The following MICU1 variants were observed in gnomAD, a reference collection of about 807,000 sequenced individuals.
The protein encoded by MICU1 is calcium uptake protein 1, mitochondrial.
Under a neutral mutation model 56.8 loss-of-function variants are expected in MICU1, and 45 were observed. The observed-to-expected ratio is 0.79, with a 90% CI of 0.62 to 1.02. The LOEUF (loss-of-function observed/expected upper bound fraction) is 1.02, where lower values mean the gene tolerates loss of function less well. Among genes scored for constraint, MICU1 ranks in the 50% least tolerant of loss-of-function variants. The probability of loss-of-function intolerance (pLI) is 0.00; values close to 1 mark genes in which losing one functional copy is unlikely to be tolerated. For synonymous variants in MICU1, 186 were observed against 195.1 expected (o/e 0.95, Z 0.39); for missense variants, 504 against 587.1 (o/e 0.86, Z 1.46).
intron 3 of MICU1, among the ~76,000 whole-genome samples, chr10:72,559,873 G>A (rs191275614): frequency 6.6e-6 from 1 of 152,240 alleles, no homozygotes; most frequent in African/African-American, 2.4e-5. Flanking sequence ...TCAGATCTGC[G>A]GCAACATTAG....
intron 3 of MICU1, among the ~76,000 whole-genome samples, chr10:72,560,022 G>C (rs1186788951): frequency 6.6e-6 from 1 of 152,184 alleles, no homozygotes. Context: ...CTGGTCTGCA[G>C]GAAAACTGTC....
chr10:72,392,855 T>C (rs573041831), intron 10 of MICU1, among the ~76,000 whole-genome samples: 4 of 152,258 alleles, frequency 2.6e-5, no homozygotes, highest in African/African-American at 4.8e-5. Flanking sequence ...AGCAAAGGCC[T>C]GGGCAGAGCC....
At chr10:72,623,300 CAAAAAAAAA>C (rs1164753291) in intron 1 of MICU1, among the ~76,000 whole-genome samples, 1 of 55,948 alleles carries the variant, frequency 1.8e-5, no homozygotes, top group East Asian at 8.6e-4. Context: ...GACTCCGTCT[CAAAAAAAAA>C]AAAAAAAAAA....
chr10:72,441,511 A>G (rs1864926379), intron 8 of MICU1, among the ~76,000 whole-genome samples: 1 of 151,098 alleles, frequency 6.6e-6, no homozygotes, highest in African/African-American at 2.4e-5. Context: ...CTGTGTATCA[A>G]ACCTGCATTG....
chr10:72,424,804 G>A (rs2132141449), intron 8 of MICU1, among the ~76,000 whole-genome samples: 1 of 152,272 alleles, frequency 6.6e-6, no homozygotes, highest in East Asian at 1.9e-4. Context: ...TTCGCTTCCT[G>A]TACAATAGCA....
At chr10:72,426,873 G>A (rs1011488468) in intron 8 of MICU1, among the ~76,000 whole-genome samples, 3 of 152,170 alleles carry the variant, frequency 2.0e-5, no homozygotes, top group Non-Finnish European at 4.4e-5. Flanking sequence ...CCAAGGTTGT[G>A]GGAGGATCTT....
intron 8 of MICU1, among the ~76,000 whole-genome samples, chr10:72,453,487 T>C (rs1196015305): frequency 1.0e-5 from 1 of 98,234 alleles, no homozygotes; most frequent in East Asian, 2.1e-4. Context: ...TTCCACAGCA[T>C]TGGAAAAAAT....
intron 4 of MICU1, among the ~76,000 whole-genome samples, chr10:72,536,593 C>T (rs1839642650): frequency 6.6e-6 from 1 of 152,024 alleles, no homozygotes; most frequent in South Asian, 2.1e-4. Flanking sequence ...CCTCATGATC[C>T]GCCCGCCTCA....
At chr10:72,526,279 T>C (rs973094572) in intron 5 of MICU1, among the ~76,000 whole-genome samples, 1 of 152,184 alleles carries the variant, frequency 6.6e-6, no homozygotes, top group Non-Finnish European at 1.5e-5. Flanking sequence ...TGTTCCTCAA[T>C]TCACTTTTGC....
At chr10:72,557,935 T>C (rs1342567485) in intron 3 of MICU1, among the ~76,000 whole-genome samples, 1 of 152,200 alleles carries the variant, frequency 6.6e-6, no homozygotes, top group East Asian at 1.9e-4. Context: ...TCTTTTAATA[T>C]TCGTGTTTTC....
chr10:72,498,189 C>A (rs567634292), intron 6 of MICU1, among the ~76,000 whole-genome samples: 1 of 152,208 alleles, frequency 6.6e-6, no homozygotes, highest in Non-Finnish European at 1.5e-5. Context: ...AATACTTTTA[C>A]ATGTTAGGTC....
Position 72,622,380 on chromosome 10 carries a change from A to G in MICU1, c.-2+3630T>C, listed in dbSNP as rs533071044. Among the ~76,000 whole-genome samples the G allele has an allele frequency of 3.3e-5, 5 of 152,260 alleles. No individual in the cohort carries two copies. The South Asian group carries it at 1.0e-3, about 32-fold the overall frequency. ...ACCCACCCTTAACTCAAATGGTTTC[A>G]AACTATATTCCTCTCCTTCCCACTC... On this transcript the variant is annotated intron_variant, in intron 1 of 11. Coordinates refer to ENST00000361114, the MANE Select transcript of MICU1 (RefSeq NM_001195518.2).
intron 1 of MICU1, among the ~76,000 whole-genome samples, chr10:72,603,697 G>A (rs184490666): frequency 3.9e-5 from 6 of 151,996 alleles, no homozygotes; most frequent in Non-Finnish European, 7.4e-5. Context: ...CCAACTACTC[G>A]GGAGGCTGAG....
chr10:72,403,240 A>C lies in MICU1; in HGVS notation c.1180+4689T>G, dbSNP rs146940716. ...CCGGGTGTGGTGGTGGGAGCCTGTA[A>C]TCCCAGCTTTTGGGAGGCTGAGGCA... On this transcript the variant is annotated intron_variant, in intron 10 of 11. Transcript: ENST00000361114. Among the ~76,000 whole-genome samples, 959 of 151,960 alleles carry C rather than the reference A, an allele frequency of 6.3e-3. 8 individuals are homozygous for C. The highest frequency in any genetic ancestry group is 0.034 in the East Asian group (175 of 5,156).
chr10:72,620,497 G>C (rs1842079095), intron 1 of MICU1, among the ~76,000 whole-genome samples: 1 of 152,086 alleles, frequency 6.6e-6, no homozygotes, highest in South Asian at 2.1e-4. Context: ...AGCACTTCAA[G>C]TTTTAAATAA....
In MICU1 at chr10:72,551,317, G is replaced by T. The variant is rs538329212; in HGVS notation, c.355C>A (p.Arg119=). 1.9e-6 allele frequency: 3 copies of T among 1,611,204 alleles called. No homozygotes were observed. In the East Asian group the frequency reaches 6.7e-5, roughly 36 times the overall value. Residue 119 remains arginine, a synonymous_variant, in exon 4 of 12, where the codon CGA becomes AGA. Coordinates refer to ENST00000361114, the MANE Select transcript of MICU1 (RefSeq NM_001195518.2). ...RKVMEYENRI[R]AYSTPDKIFR... The stretch of plus-strand genomic sequence containing the variant: ...ATTTTGTCTGGCGTGGAGTAGGCTC[G>T]AATCCTATTCTCATATTCCATCACC...
At chr10:72,401,313 T>C (rs1436923808) in intron 10 of MICU1, among the ~76,000 whole-genome samples, 9 of 152,222 alleles carry the variant, frequency 5.9e-5, no homozygotes, top group East Asian at 1.9e-4. Context: ...TGTTTTGACA[T>C]ATGTATATAC....
At chr10:72,425,759 A>C (rs1477752990) in intron 8 of MICU1, among the ~76,000 whole-genome samples, 1 of 152,146 alleles carries the variant, frequency 6.6e-6, no homozygotes, top group Non-Finnish European at 1.5e-5. Context: ...GGAGGGAGCC[A>C]TGGAGAGCTG....
chr10:72,625,803 G>A (rs1239848752), intron 1 of MICU1, among the ~76,000 whole-genome samples: 1 of 152,180 alleles, frequency 6.6e-6, no homozygotes, highest in East Asian at 1.9e-4. Flanking sequence ...AGGACGGGAG[G>A]CAAGCAAGAC....
Sources: allele counts gnomAD v4.1 joint callset (sites outside exome capture counted in the v4.1 genomes callset), GRCh38; gene constraint gnomAD v4.1.1; transcripts MANE v1.5; gene names NCBI Gene and HGNC (gene_info 2026-07-23, HGNC 2026-07-21).